ADGRL3: variants seen among roughly 807,000 people sequenced by gnomAD.
ADGRL3 encodes the protein calcium-independent alpha-latrotoxin receptor 3.
Under a neutral mutation model 153.5 loss-of-function variants are expected in ADGRL3, and 62 were observed. The observed-to-expected ratio is 0.40, with a 90% CI of 0.33 to 0.50. The LOEUF (loss-of-function observed/expected upper bound fraction) is 0.50. ADGRL3 is among the 20% of genes least tolerant of loss of function. The pLI is 0.47. For missense variants in ADGRL3, 1,641 were observed against 1,859.4 expected, an observed-to-expected ratio of 0.88 and a Z score of 2.16; for synonymous variants, 710 against 672.5, an observed-to-expected ratio of 1.06 and a Z score of -0.86.
At chr4:61,560,144 T>C (rs1374089419) in intron 4 of ADGRL3, among the ~76,000 whole-genome samples, 3 of 152,118 alleles carry the variant, frequency 2.0e-5, no homozygotes, top group Non-Finnish European at 4.4e-5. Context: ...ATACTTCTAT[T>C]ATGGCACTTA....
intron 2 of ADGRL3, among the ~76,000 whole-genome samples, chr4:61,492,819 T>C (rs1209999914): frequency 6.6e-6 from 1 of 152,126 alleles, no homozygotes; most frequent in Non-Finnish European, 1.5e-5. Flanking sequence ...TAGAATTTCT[T>C]TCCATACTGT....
At chr4:61,516,348 T>G (rs2098494970) in intron 3 of ADGRL3, among the ~76,000 whole-genome samples, 1 of 140,526 alleles carries the variant, frequency 7.1e-6, no homozygotes, top group Admixed American at 7.2e-5. Flanking sequence ...TTTTTATACA[T>G]GCATGTTATA....
At chr4:62,028,344 T>A (rs1458612882) in intron 21 of ADGRL3, among the ~76,000 whole-genome samples, 1 of 151,792 alleles carries the variant, frequency 6.6e-6, no homozygotes, top group Non-Finnish European at 1.5e-5. Flanking sequence ...CAAGATAGAT[T>A]ATTTTCTAAG....
chr4:61,521,222 A>C (rs2098529163), intron 4 of ADGRL3, among the ~76,000 whole-genome samples: 1 of 152,108 alleles, frequency 6.6e-6, no homozygotes, highest in South Asian at 2.1e-4. Flanking sequence ...GCTGCAACCT[A>C]ACAGACAAGT....
intron 9 of ADGRL3, among the ~76,000 whole-genome samples, chr4:61,850,695 C>T (rs191744199): frequency 1.3e-3 from 201 of 152,144 alleles, no homozygotes; most frequent in Middle Eastern, 6.8e-3. Context: ...TATTCTATTT[C>T]GGCAGGGCTA....
chr4:61,996,411 C>T lies in ADGRL3; in HGVS notation c.3303+54C>T, dbSNP rs2099121783. ...CCCAGATCAAGAAGTAAAACTTTCACTATCCCAGTACTGACTGTCTTTAAT... is the reference window on the plus strand; with the variant it reads ...CCCAGATCAAGAAGTAAAACTTTCATTATCCCAGTACTGACTGTCTTTAAT... On this transcript the variant is annotated intron_variant, in intron 20 of 26. Transcript: ENST00000683033. 6 of 1,236,144 alleles carry T rather than the reference C, an allele frequency of 4.9e-6. No homozygotes were observed. The East Asian group carries it at 1.4e-4, about 29-fold the overall frequency. 76.6% of individuals were successfully genotyped at this position (1,236,144 alleles called of 1,614,324 possible).
In ADGRL3 at chr4:61,934,948, G is replaced by A. The variant is rs2098831977; in HGVS notation, c.2221G>A (p.Val741Met). 2 of 1,613,852 alleles carry A rather than the reference G, an allele frequency of 1.2e-6. No individual in the cohort carries two copies. Among genetic ancestry groups the A allele is most frequent in the East Asian group, 2.2e-5 (1 of 44,878 alleles). The change falls in exon 14 of 27, where the codon GTG becomes ATG. Residue 741 changes from valine (V) to methionine (M), a missense_variant. Val to Met is a conservative substitution (Grantham distance 21). This residue lies in a region of ADGRL3 where 734 missense variants were observed against 797.0 expected (regional missense o/e 0.92). Coordinates refer to ENST00000683033, the MANE Select transcript of ADGRL3 (RefSeq NM_001387552.1). ...TGCGGCCACCATGTTGCTTCATACT[G>A]TGGAGGAAAGTGCTTTTGTGCTGGC... ...LRAATMLLHTVEESAFVLADN... is the reference protein window; with the variant it reads ...LRAATMLLHTMEESAFVLADN...
chr4:61,876,908 TAAAAAAA>T (rs33929278), intron 9 of ADGRL3, among the ~76,000 whole-genome samples: 1 of 135,606 alleles, frequency 7.4e-6, no homozygotes, highest in East Asian at 2.1e-4. Flanking sequence ...GCTTTCACTT[TAAAAAAA>T]AAAAAAAAAA....
At chr4:61,709,060 C>T (rs1289047439) in intron 6 of ADGRL3, among the ~76,000 whole-genome samples, 1 of 152,072 alleles carries the variant, frequency 6.6e-6, no homozygotes, top group African/African-American at 2.4e-5. Flanking sequence ...CTGCCCGTCT[C>T]AGCCTCCCAA....
In ADGRL3 at chr4:62,044,546, A is replaced by G. The variant is rs1730079437; in HGVS notation, c.3811A>G (p.Arg1271Gly). 6.4e-7 allele frequency: 1 copy of G among 1,554,960 alleles called. No individual in the cohort carries two copies. Among genetic ancestry groups the G allele is most frequent in the African/African-American group, 1.4e-5 (1 of 73,170 alleles). The change falls in exon 25 of 27, where the codon AGA (arginine) becomes GGA (glycine). Residue 1271 changes from arginine to glycine, a missense_variant. By Grantham distance (125) the Arg-to-Gly change is moderately radical. Around this residue, in one of 5 missense-constraint regions of ADGRL3, gnomAD observed 517 missense variants for 555.0 expected, o/e 0.93. Coordinates refer to ENST00000683033, the MANE Select transcript of ADGRL3 (RefSeq NM_001387552.1). ...CATAAACAGTTCAGCGTCACTCAACAGAGGTAATTAGAAATAATTTTTCAT... is the reference window on the plus strand; with the variant it reads ...CATAAACAGTTCAGCGTCACTCAACGGAGGTAATTAGAAATAATTTTTCAT... ...GDINSSASLN[R>G]EPYRETKGLL...
Position 62,070,973 on chromosome 4 carries a change from T to C in ADGRL3, c.*65T>C. 1 of 1,289,322 alleles carries C rather than the reference T, an allele frequency of 7.8e-7. No individual in the cohort carries two copies. 79.9% of individuals were successfully genotyped at this position (1,289,322 alleles called of 1,614,324 possible). A position where few individuals can be genotyped will look rare whatever the true frequency, so the allele number is the denominator to read the frequency against. ...CCTTGTTGACTGTTCTGAGTTGATA[T>C]AAGCAGTGGTAATAATGTGTGTACT... is the stretch of plus-strand genomic sequence containing the variant. On this transcript the variant is annotated 3_prime_UTR_variant, in exon 27 of 27. Transcript: ENST00000683033.
chr4:61,206,417 A>C (rs1170924131), intron 1 of ADGRL3, among the ~76,000 whole-genome samples: 1 of 152,198 alleles, frequency 6.6e-6, no homozygotes, highest in African/African-American at 2.4e-5. Context: ...CAGTGTTTTC[A>C]AAGTGTCCTC....
At chr4:61,856,573 C>T (rs1369484366) in intron 9 of ADGRL3, among the ~76,000 whole-genome samples, 2 of 107,292 alleles carry the variant, frequency 1.9e-5, no homozygotes, top group African/African-American at 3.6e-5. Context: ...CTCTCTCTTT[C>T]TCTCTCTCTT....
intron 3 of ADGRL3, among the ~76,000 whole-genome samples, chr4:61,497,977 TATTA>T (rs1315746790): frequency 5.9e-5 from 9 of 152,186 alleles, no homozygotes; most frequent in Non-Finnish European, 7.3e-5. Context: ...TCAGCTGAAA[TATTA>T]ATTATCTCAT....
intron 8 of ADGRL3, among the ~76,000 whole-genome samples, chr4:61,779,984 T>C (rs1264568178): frequency 6.6e-6 from 1 of 152,188 alleles, no homozygotes; most frequent in Non-Finnish European, 1.5e-5. Flanking sequence ...CCTGGGTCAG[T>C]ATATTTTTTA....
At chr4:61,911,572 C>T (rs1449656927) in intron 12 of ADGRL3, among the ~76,000 whole-genome samples, 1 of 152,128 alleles carries the variant, frequency 6.6e-6, no homozygotes, top group Admixed American at 6.6e-5. Flanking sequence ...GCAAAGTCAA[C>T]TCAGTACAAA....
At chr4:61,409,116 A>G (rs2097046542) in intron 2 of ADGRL3, among the ~76,000 whole-genome samples, 1 of 149,444 alleles carries the variant, frequency 6.7e-6, no homozygotes, top group Non-Finnish European at 1.5e-5. Context: ...TTTAAATAAA[A>G]GCCAAGATAT....
chr4:61,493,135 C>G (rs1397535043), intron 2 of ADGRL3, among the ~76,000 whole-genome samples: 3 of 152,034 alleles, frequency 2.0e-5, no homozygotes, highest in Admixed American at 2.0e-4. Flanking sequence ...TATGAGAAAT[C>G]TATTAGCTAT....
intron 1 of ADGRL3, among the ~76,000 whole-genome samples, chr4:61,221,509 T>A (rs1158447573): frequency 1.3e-5 from 2 of 152,168 alleles, no homozygotes; most frequent in Non-Finnish European, 2.9e-5. Flanking sequence ...CTCTTGATAG[T>A]TGAAAATATT....
Sources: allele counts gnomAD v4.1 joint callset (sites outside exome capture counted in the v4.1 genomes callset), GRCh38; gene constraint gnomAD v4.1.1; regional missense constraint gnomAD v4.1.1; transcripts MANE v1.5; gene names NCBI Gene and HGNC (gene_info 2026-07-23, HGNC 2026-07-21).